UTRN: variants seen among roughly 807,000 people sequenced by gnomAD.
The protein encoded by UTRN is utrophin.
A neutral mutation model predicts 463.9 loss-of-function variants in UTRN; 283 were observed. The observed-to-expected ratio is 0.61, with a 90% CI of 0.55 to 0.67. The LOEUF (loss-of-function observed/expected upper bound fraction) is 0.67, where lower values mean the gene tolerates loss of function less well. UTRN is among the 30% of genes least tolerant of loss of function. The pLI, the probability that UTRN is intolerant of heterozygous loss-of-function variation, is 0.00. For synonymous variants in UTRN, 1,442 were observed against 1,431.5 expected (o/e 1.01, Z -0.17); for missense variants, 3,922 against 4,084.3 (o/e 0.96, Z 1.08).
At chr6:144,819,655 T>C (rs771770074) in intron 65 of UTRN, among the ~76,000 whole-genome samples, 1 of 152,180 alleles carries the variant, frequency 6.6e-6, no homozygotes, top group Non-Finnish European at 1.5e-5. Flanking sequence ...ATCGTGCCAT[T>C]GCATGCCAGC....
chr6:144,410,466 A>G (rs1278490526), intron 3 of UTRN, among the ~76,000 whole-genome samples: 1 of 152,120 alleles, frequency 6.6e-6, no homozygotes, highest in Non-Finnish European at 1.5e-5. Context: ...GTGTTTGGTT[A>G]CATGAGTAAG....
chr6:144,499,428 G>A lies in UTRN; in HGVS notation c.4764+1G>A. Reference sequence around the variant, plus strand: ...GGATACAGAAATTTCCTGGGCTAAAGTAAGTTGCAGTTCAGATGAAACACC... The same window carrying A: ...GGATACAGAAATTTCCTGGGCTAAAATAAGTTGCAGTTCAGATGAAACACC... On this transcript the variant is annotated splice_donor_variant, in intron 34 of 74. Coordinates refer to ENST00000367545, the MANE Select transcript of UTRN (RefSeq NM_007124.3). LOFTEE classifies it high-confidence loss of function. The A allele has an allele frequency of 1.2e-6, 2 of 1,604,088 alleles. No homozygotes were observed. Among genetic ancestry groups the A allele is most frequent in the Non-Finnish European group, 8.5e-7 (1 of 1,172,310 alleles).
intron 52 of UTRN, among the ~76,000 whole-genome samples, chr6:144,682,012 T>C (rs1782252583): frequency 6.6e-6 from 1 of 152,202 alleles, no homozygotes; most frequent in African/African-American, 2.4e-5. Context: ...TTTTAGTTAT[T>C]TTAAAATGTA....
At chr6:144,561,252 T>TACACACAC (rs1228816640) in intron 50 of UTRN, among the ~76,000 whole-genome samples, 1 of 47,902 alleles carries the variant, frequency 2.1e-5, no homozygotes, top group African/African-American at 6.9e-5. Flanking sequence ...TATATATATA[T>TACACACAC]ATATATATAC....
intron 51 of UTRN, among the ~76,000 whole-genome samples, chr6:144,664,179 T>C (rs1780157554): frequency 6.6e-6 from 1 of 151,988 alleles, no homozygotes; most frequent in Admixed American, 6.6e-5. Context: ...AAGAAGGAAA[T>C]GAGATTATAT....
At chr6:144,316,086 C>T (rs1264101779) in intron 2 of UTRN, among the ~76,000 whole-genome samples, 2 of 152,124 alleles carry the variant, frequency 1.3e-5, no homozygotes, top group East Asian at 3.9e-4. Context: ...CACAGTGGCT[C>T]ACGTCTGTAA....
chr6:144,760,758 T>C (rs1792566777), intron 58 of UTRN, among the ~76,000 whole-genome samples: 5 of 152,214 alleles, frequency 3.3e-5, no homozygotes, highest in Admixed American at 2.6e-4. Flanking sequence ...AAATTTTGCA[T>C]GATTGCCATG....
chr6:144,508,474 C>T (rs1467910522), intron 34 of UTRN, among the ~76,000 whole-genome samples: 1 of 152,194 alleles, frequency 6.6e-6, no homozygotes, highest in African/African-American at 2.4e-5. Context: ...ACGGCACAGT[C>T]CCTCATGGCT....
intron 50 of UTRN, among the ~76,000 whole-genome samples, chr6:144,563,150 T>C (rs1193530413): frequency 6.6e-6 from 1 of 152,174 alleles, no homozygotes; most frequent in Non-Finnish European, 1.5e-5. Context: ...GCTAGACATG[T>C]GGAATGTATA....
chr6:144,616,942 A>G (rs1392013049), intron 51 of UTRN, among the ~76,000 whole-genome samples: 1 of 152,128 alleles, frequency 6.6e-6, no homozygotes, highest in South Asian at 2.1e-4. Context: ...TGTGGCCTTT[A>G]TTGACTATCC....
chr6:144,556,176 G>A (rs944755436), intron 49 of UTRN, among the ~76,000 whole-genome samples: 2 of 152,206 alleles, frequency 1.3e-5, no homozygotes, highest in Admixed American at 6.5e-5. Flanking sequence ...TAAGATGGAA[G>A]TGTATATTTG....
At chr6:144,649,265 A>G (rs1488794396) in intron 51 of UTRN, among the ~76,000 whole-genome samples, 1 of 152,194 alleles carries the variant, frequency 6.6e-6, no homozygotes, top group Non-Finnish European at 1.5e-5. Context: ...GCATGCTAGG[A>G]AAGCCTGTTG....
intron 65 of UTRN, among the ~76,000 whole-genome samples, chr6:144,815,253 A>T (rs1431218391): frequency 5.3e-5 from 8 of 152,248 alleles, no homozygotes; most frequent in Non-Finnish European, 1.2e-4. Flanking sequence ...TAAAATATTT[A>T]TCCTGACTTT....
At chr6:144,451,548 A>G in intron 18 of UTRN, 55 bp downstream of exon 18, 1 of 1,535,766 alleles carries the variant, frequency 6.5e-7, no homozygotes, top group Non-Finnish European at 8.7e-7. Flanking sequence ...ATCATGCTGG[A>G]TTTTCTGCTG....
chr6:144,797,189 A>T (rs1296821606), intron 63 of UTRN, among the ~76,000 whole-genome samples: 4 of 142,058 alleles, frequency 2.8e-5, no homozygotes, highest in Admixed American at 7.1e-5. Context: ...CTTAGATGAA[A>T]TTTTTTTTTT....
At chr6:144,715,102 C>T (rs1456363280) in intron 53 of UTRN, among the ~76,000 whole-genome samples, 3 of 152,148 alleles carry the variant, frequency 2.0e-5, no homozygotes, top group Non-Finnish European at 4.4e-5. Flanking sequence ...GTTTACATGT[C>T]ATCTCTACTT....
At chr6:144,330,086 G>C (rs899739052) in intron 2 of UTRN, among the ~76,000 whole-genome samples, 1 of 152,206 alleles carries the variant, frequency 6.6e-6, no homozygotes, top group Non-Finnish European at 1.5e-5. Flanking sequence ...TAGGGACCTG[G>C]AATGAGTGAT....
intron 2 of UTRN, chr6:144,330,779 G>C: frequency 1.0e-6 from 1 of 977,554 alleles, no homozygotes; most frequent in Non-Finnish European, 1.2e-6. Flanking sequence ...GACCATTCTG[G>C]TCCGGGCAGT....
At chr6:144,482,170 G>T (rs757315547) in intron 26 of UTRN, 39 bp from the exon 27 acceptor site, 1 of 1,384,276 alleles carries the variant, frequency 7.2e-7, no homozygotes, top group African/African-American at 1.5e-5. Context: ...CTGAGAAAGG[G>T]AGACGTTTTT....
Sources: gnomAD v4.1 joint callset for allele counts (sites outside exome capture counted in the v4.1 genomes callset) on GRCh38, gnomAD v4.1.1 for gene constraint, MANE v1.5 for transcripts, NCBI Gene and HGNC (gene_info 2026-07-23, HGNC 2026-07-21) for gene names.